Variants in KCNJ12 observed in about 807,000 individuals in gnomAD.
KCNJ12 encodes potassium inwardly rectifying channel subfamily J member 12, also known as ATP-sensitive inward rectifier potassium channel 12.
In KCNJ12, 2 loss-of-function variants were observed where a neutral mutation model predicts 22.3. That is an observed-to-expected ratio of 0.09 (90% CI 0.04 to 0.28). The LOEUF (loss-of-function observed/expected upper bound fraction) is 0.28. Among genes scored for constraint, KCNJ12 ranks in the 10% least tolerant of loss-of-function variants. The pLI is 1.00. For missense variants in KCNJ12, 155 were observed against 633.3 expected (o/e 0.24, Z 8.11); for synonymous variants, 117 against 261.4 (o/e 0.45, Z 5.33).
chr17:21,396,299 C>T (rs890758473), intron 1 of KCNJ12, among the ~76,000 whole-genome samples: 2 of 152,310 alleles, frequency 1.3e-5, no homozygotes, highest in Non-Finnish European at 2.9e-5. Flanking sequence ...AGAAGGGCAG[C>T]CGGGAATCTG....
intron 2 of KCNJ12, among the ~76,000 whole-genome samples, chr17:21,412,313 C>A: frequency 6.6e-6 from 1 of 152,206 alleles, no homozygotes; most frequent in Non-Finnish European, 1.5e-5. Context: ...GGCAGAGATG[C>A]CAGGAGCTGT....
intron 1 of KCNJ12, among the ~76,000 whole-genome samples, chr17:21,392,444 G>A (rs140542855): frequency 0.014 from 2,186 of 152,348 alleles, 60 homozygotes; most frequent in Admixed American, 0.077. Context: ...GGGGCCCTCT[G>A]CCTCTGGCCC....
At chr17:21,402,246 C>T (rs1905657648) in intron 1 of KCNJ12, among the ~76,000 whole-genome samples, 1 of 152,428 alleles carries the variant, frequency 6.6e-6, no homozygotes, top group East Asian at 1.9e-4. Flanking sequence ...ATTCTCTTCT[C>T]ACTAGCTCTC....
rs111759780 is a variant in KCNJ12 at position 21,387,424 on chromosome 17, G to C, written c.-179+10511G>C. ...GCCATAGCACTCCAGCCTGGCGACA[G>C]AGCGAGACTCTATCTCAAAAAAAAA... On this transcript the variant is annotated intron_variant, in intron 1 of 2. Coordinates refer to ENST00000583088, the MANE Select transcript of KCNJ12 (RefSeq NM_021012.5). Among the ~76,000 whole-genome samples the C allele has an allele frequency of 4.6e-3, 586 of 128,366 alleles. 8 individuals carry two copies. The highest frequency in any genetic ancestry group is 0.017 in the African/African-American group (553 of 32,478). The allele number at this position is 128,366 out of a possible 152,430, so 84.2% of individuals were successfully genotyped here.
In KCNJ12 at chr17:21,400,202, G is replaced by T. The variant is rs1301742163; in HGVS notation, c.-178-8317G>T. Among the ~76,000 whole-genome samples the T allele has an allele frequency of 4.9e-4, 74 of 152,352 alleles. No individual in the cohort carries two copies. The South Asian group carries it at 0.015, about 31-fold the overall frequency. ...CACCCCACCTGGGTGGGCTGCACAT[G>T]CAAAGGCCACCTGGGGGTGGGGAGC... is the stretch of plus-strand genomic sequence containing the variant. On this transcript the variant is annotated intron_variant, in intron 1 of 2. Transcript: ENST00000583088.
chr17:21,387,330 T>C (rs1340071197), intron 1 of KCNJ12, among the ~76,000 whole-genome samples: 3 of 147,540 alleles, frequency 2.0e-5, no homozygotes, highest in African/African-American at 7.6e-5. Flanking sequence ...TAGTCCCAGC[T>C]ACTCGGGAGG....
At chr17:21,382,642 C>A (rs1022046671) in intron 1 of KCNJ12, among the ~76,000 whole-genome samples, 1 of 152,204 alleles carries the variant, frequency 6.6e-6, no homozygotes, top group African/African-American at 2.4e-5. Flanking sequence ...GAGCACTGCC[C>A]GTCCCTCCTC....
chr17:21,406,344 C>T (rs1403217603), intron 1 of KCNJ12, among the ~76,000 whole-genome samples: 1 of 152,306 alleles, frequency 6.6e-6, no homozygotes, highest in Non-Finnish European at 1.5e-5. Context: ...CGTGGAGGTC[C>T]CCAGCTGTGT....
chr17:21,407,128 C>G (rs1205976464), intron 1 of KCNJ12, among the ~76,000 whole-genome samples: 1 of 152,298 alleles, frequency 6.6e-6, no homozygotes, highest in Non-Finnish European at 1.5e-5. Flanking sequence ...GCCCAAACAC[C>G]CTATCCATCC....
chr17:21,401,158 C>T (rs1905602366), intron 1 of KCNJ12, among the ~76,000 whole-genome samples: 1 of 152,272 alleles, frequency 6.6e-6, no homozygotes. Context: ...TTTGCCCGGC[C>T]CCCTTGCCTT....
chr17:21,392,481 G>A (rs1236853737), intron 1 of KCNJ12, among the ~76,000 whole-genome samples: 1 of 152,248 alleles, frequency 6.6e-6, no homozygotes, highest in Non-Finnish European at 1.5e-5. Flanking sequence ...CTCAAGGCAG[G>A]GGGCAGGGGC....
At chr17:21,411,881 G>A (rs1386163086) in intron 2 of KCNJ12, among the ~76,000 whole-genome samples, 2 of 152,308 alleles carry the variant, frequency 1.3e-5, no homozygotes, top group African/African-American at 2.4e-5. Context: ...TTACGCAGGA[G>A]TGTTCTTGAG....
intron 1 of KCNJ12, among the ~76,000 whole-genome samples, chr17:21,383,381 A>G (rs971288722): frequency 6.6e-6 from 1 of 152,044 alleles, no homozygotes; most frequent in Non-Finnish European, 1.5e-5. Context: ...CCAGGCTTCC[A>G]TTCAGGGCTG....
At chr17:21,396,259 C>T (rs1220558872) in intron 1 of KCNJ12, among the ~76,000 whole-genome samples, 3 of 152,214 alleles carry the variant, frequency 2.0e-5, no homozygotes. Flanking sequence ...GAGAAATCCT[C>T]AGCTAACAGG....
At chr17:21,398,024 G>T (rs1188419826) in intron 1 of KCNJ12, among the ~76,000 whole-genome samples, 3 of 152,136 alleles carry the variant, frequency 2.0e-5, no homozygotes, top group Non-Finnish European at 4.4e-5. Context: ...AAGGTGACCA[G>T]ACCATCCCTG....
At chr17:21,395,535 C>T (rs368171648) in intron 1 of KCNJ12, among the ~76,000 whole-genome samples, 4 of 121,978 alleles carry the variant, frequency 3.3e-5, no homozygotes, top group Non-Finnish European at 4.8e-5. Flanking sequence ...GAGCCGAGAT[C>T]GCACCACTAC....
In KCNJ12 at chr17:21,376,986, C is replaced by G. The variant is rs1555557342; in HGVS notation, c.-179+73C>G. The G allele has an allele frequency of 6.6e-6, 1 of 152,166 alleles. No homozygotes were observed. Among genetic ancestry groups the G allele is most frequent in the Non-Finnish European group, 1.5e-5 (1 of 68,016 alleles). 9.4% of individuals were successfully genotyped at this position (152,166 alleles called of 1,614,324 possible). On this transcript the variant is annotated intron_variant, in intron 1 of 2. Coordinates refer to ENST00000583088, the MANE Select transcript of KCNJ12 (RefSeq NM_021012.5). The surrounding 1 kb of genome is among the most constrained non-coding windows in gnomAD (Gnocchi z 5.3). The stretch of plus-strand genomic sequence containing the variant: ...GTTCCCCGCAGGCCGCGCCTCGCCA[C>G]TAGCCCGGCCCGGAGCTAGCACGAG...
intron 1 of KCNJ12, among the ~76,000 whole-genome samples, chr17:21,400,663 G>A (rs1351777307): frequency 2.0e-5 from 3 of 152,312 alleles, no homozygotes; most frequent in East Asian, 3.8e-4. Flanking sequence ...GCTGGCAGGT[G>A]CTCAGCCCTT....
chr17:21,416,469 G>T lies in KCNJ12; in HGVS notation c.1127G>T (p.Cys376Phe). 6.2e-7 allele frequency: 1 copy of T among 1,614,102 alleles called. No homozygotes were observed. Among genetic ancestry groups the T allele is most frequent in the South Asian group, 1.1e-5 (1 of 91,092 alleles). Residue 376 changes from cysteine (C) to phenylalanine (F), a missense_variant, in exon 3 of 3, where the codon TGC becomes TTC. Physicochemically the swap from Cys to Phe is radical, Grantham distance 205. Transcript: ENST00000583088. ...CTGCTGCCCAGCGCCAACTCCTTCT[G>T]CTACGAGAACGAGCTGGCCTTCCTG... ...KFLLPSANSFCYENELAFLSR... is the reference protein window; with the variant it reads ...KFLLPSANSFFYENELAFLSR...
Sources: allele counts gnomAD v4.1 joint callset (sites outside exome capture counted in the v4.1 genomes callset), GRCh38; gene constraint gnomAD v4.1.1; non-coding constraint Gnocchi (gnomAD v3.1); transcripts MANE v1.5; gene names NCBI Gene and HGNC (gene_info 2026-07-23, HGNC 2026-07-21).